Variants in SH3BGRL observed in about 807,000 individuals in gnomAD.
The protein encoded by SH3BGRL is adapter SH3BGRL.
SH3BGRL carries 7 observed loss-of-function variants against 9.8 expected under a neutral mutation model. The observed-to-expected ratio is 0.72, with a 90% confidence interval of 0.41 to 1.35. The LOEUF (loss-of-function observed/expected upper bound fraction) is 1.35, where lower values mean the gene tolerates loss of function less well. SH3BGRL is among the 40% of genes most tolerant of loss of function. The pLI, the probability that SH3BGRL is intolerant of heterozygous loss-of-function variation, is 0.01. For synonymous variants in SH3BGRL, 36 were observed against 29.1 expected (o/e 1.24, Z -0.76); for missense variants, 73 against 84.4 (o/e 0.86, Z 0.53).
Position 81,258,406 on chromosome X carries a change from C to A in SH3BGRL, c.46-18578C>A, listed in dbSNP as rs770151503. Among the ~76,000 whole-genome samples, 5 of 112,202 alleles carry A rather than the reference C, an allele frequency of 4.5e-5. No individual in the cohort carries two copies. In the East Asian group the frequency reaches 1.1e-3, roughly 25 times the overall value. The stretch of plus-strand genomic sequence containing the variant: ...TGGATTATTTACTTAAACTAGGAAT[C>A]CAGAAGTGAAATTACTGGATCAAAT... On this transcript the variant is annotated intron_variant, in intron 1 of 3. Transcript: ENST00000373212.
intron 1 of SH3BGRL, among the ~76,000 whole-genome samples, chrX:81,209,760 G>A (rs1489545049): frequency 1.8e-5 from 2 of 112,060 alleles, no homozygotes; most frequent in Non-Finnish European, 3.8e-5. Context: ...ATGAGAGTTG[G>A]CACTGGTGGG....
At chrX:81,283,853 CA>C (rs1279084183) in intron 3 of SH3BGRL, among the ~76,000 whole-genome samples, 3 of 110,836 alleles carry the variant, frequency 2.7e-5, no homozygotes, top group African/African-American at 9.8e-5. Context: ...AAAGGGCATC[CA>C]AATTGGTAAA....
intron 1 of SH3BGRL, among the ~76,000 whole-genome samples, chrX:81,236,765 C>T (rs1366695350): frequency 8.9e-6 from 1 of 111,757 alleles, no homozygotes; most frequent in African/African-American, 3.3e-5. Context: ...GAATTAGCCA[C>T]ACACTGTGGA....
In SH3BGRL at chrX:81,270,832, A is replaced by G. The variant is rs774710725; in HGVS notation, c.46-6152A>G. Reference sequence around the variant, plus strand: ...TTTTGTTCAGATATACCCTGCCCCCACAGGTGGAGTCTAGAGAGGCAGTAG... The same window carrying G: ...TTTTGTTCAGATATACCCTGCCCCCGCAGGTGGAGTCTAGAGAGGCAGTAG... On this transcript the variant is annotated intron_variant, in intron 1 of 3. Transcript: ENST00000373212. Among the ~76,000 whole-genome samples, 3 of 112,344 alleles carry G rather than the reference A, an allele frequency of 2.7e-5. No individual in the cohort carries two copies. In the South Asian group the frequency reaches 1.1e-3, roughly 42 times the overall value.
intron 1 of SH3BGRL, among the ~76,000 whole-genome samples, chrX:81,239,741 G>T (rs1569361715): frequency 8.9e-6 from 1 of 112,065 alleles, no homozygotes; most frequent in South Asian, 3.7e-4. Context: ...AACTTCCAAA[G>T]ATCAAGGATA....
At chrX:81,285,583 T>C (rs2147718119) in intron 3 of SH3BGRL, among the ~76,000 whole-genome samples, 1 of 111,948 alleles carries the variant, frequency 8.9e-6, no homozygotes, top group East Asian at 2.8e-4. Flanking sequence ...TGAAAACAAG[T>C]TAAATGCTTA....
chrX:81,212,428 G>C (rs2075568068), intron 1 of SH3BGRL, among the ~76,000 whole-genome samples: 1 of 110,485 alleles, frequency 9.1e-6, no homozygotes, highest in Non-Finnish European at 1.9e-5. Context: ...ACTCGACTTT[G>C]AATTCATGCT....
intron 1 of SH3BGRL, among the ~76,000 whole-genome samples, chrX:81,264,690 C>T (rs2147702861): frequency 9.0e-6 from 1 of 110,513 alleles, no homozygotes; most frequent in African/African-American, 3.3e-5. Flanking sequence ...TAGGTGGTCC[C>T]TCCCTCTACT....
At chrX:81,213,637 G>T (rs1026823244) in intron 1 of SH3BGRL, among the ~76,000 whole-genome samples, 1 of 110,696 alleles carries the variant, frequency 9.0e-6, no homozygotes, top group Non-Finnish European at 1.9e-5. Flanking sequence ...TAATGGACCC[G>T]TCAAAAGTTA....
chrX:81,221,828 G>T (rs1384988078), intron 1 of SH3BGRL, among the ~76,000 whole-genome samples: 1 of 112,185 alleles, frequency 8.9e-6, no homozygotes, highest in Non-Finnish European at 1.9e-5. Flanking sequence ...TTGTTATTAA[G>T]AAAGCTTGAG....
At chrX:81,233,337 A>G (rs762214452) in intron 1 of SH3BGRL, among the ~76,000 whole-genome samples, 1 of 111,813 alleles carries the variant, frequency 8.9e-6, no homozygotes, top group East Asian at 2.8e-4. Context: ...CTTTACAATA[A>G]CTCTTGTTTC....
chrX:81,210,800 ACTT>A (rs1264033444), intron 1 of SH3BGRL, among the ~76,000 whole-genome samples: 9 of 112,126 alleles, frequency 8.0e-5, no homozygotes, highest in South Asian at 7.4e-4. Flanking sequence ...CATGAAAAAT[ACTT>A]CTTAATTAAC....
chrX:81,210,801 C>G lies in SH3BGRL; in HGVS notation c.45+8556C>G, dbSNP rs371354984. On this transcript the variant is annotated intron_variant, in intron 1 of 3. Coordinates refer to ENST00000373212, the MANE Select transcript of SH3BGRL (RefSeq NM_003022.3). ...TGAACTTGAAAAACCATGAAAAATA[C>G]TTCTTAATTAACTGGTCTATAGCAA... Among the ~76,000 whole-genome samples, 33 of 111,941 alleles carry G rather than the reference C, an allele frequency of 2.9e-4. 1 individual carries two copies. The South Asian group carries it at 0.011, about 37-fold the overall frequency.
intron 1 of SH3BGRL, among the ~76,000 whole-genome samples, chrX:81,248,078 T>C (rs2075695478): frequency 9.0e-6 from 1 of 111,080 alleles, no homozygotes; most frequent in Non-Finnish European, 1.9e-5. Flanking sequence ...TCTAGATTTT[T>C]TAGTTTCTGT....
chrX:81,237,146 G>A, intron 1 of SH3BGRL: 2 of 668,556 alleles, frequency 3.0e-6, no homozygotes, highest in Middle Eastern at 3.6e-4. Flanking sequence ...TGGTGAAATA[G>A]AAGACTCCAC....
intron 1 of SH3BGRL, among the ~76,000 whole-genome samples, chrX:81,256,186 G>A (rs1484061080): frequency 1.8e-5 from 2 of 112,026 alleles, no homozygotes; most frequent in South Asian, 3.7e-4. Flanking sequence ...AGGGATTGAG[G>A]TTCAGATTTA....
chrX:81,206,100 A>G (rs1349590617), intron 1 of SH3BGRL, among the ~76,000 whole-genome samples: 1 of 111,544 alleles, frequency 9.0e-6, no homozygotes, highest in Non-Finnish European at 1.9e-5. Context: ...TGACTTCCTT[A>G]TATATTCCAC....
intron 1 of SH3BGRL, among the ~76,000 whole-genome samples, chrX:81,253,967 G>T (rs1198289574): frequency 1.8e-5 from 2 of 111,530 alleles, no homozygotes; most frequent in Non-Finnish European, 3.8e-5. Flanking sequence ...GCAGGTAAAA[G>T]AAAATGCTGA....
At chrX:81,202,282 T>C (rs1231810506) in intron 1 of SH3BGRL, 37 bp downstream of exon 1, 1 of 1,159,534 alleles carries the variant, frequency 8.6e-7, no homozygotes, top group South Asian at 1.9e-5. Context: ...GTTGTTTTCC[T>C]ACACACCAGT....
Sources: gnomAD v4.1 joint callset for allele counts (sites outside exome capture counted in the v4.1 genomes callset) on GRCh38, gnomAD v4.1.1 for gene constraint, MANE v1.5 for transcripts, NCBI Gene and HGNC (gene_info 2026-07-23, HGNC 2026-07-21) for gene names.